BLTP2: variants seen among roughly 807,000 people sequenced by gnomAD.
BLTP2 encodes bridge-like lipid transfer protein family member 2.
At chr17:28,643,140 G>C in the BLTP2 span, 1 of 1,614,084 alleles carries the variant, frequency 6.2e-7, no homozygotes, top group South Asian at 1.1e-5. Flanking sequence ...GTACAGTCCA[G>C]GATAGCAGGA....
At chr17:28,642,031 T>C in the BLTP2 span, 1 of 1,614,148 alleles carries the variant, frequency 6.2e-7, no homozygotes, top group Non-Finnish European at 8.5e-7. Context: ...TGCCCACCTT[T>C]AGACACAGGT....
chr17:28,622,819 G>A, the BLTP2 span, among the ~76,000 whole-genome samples: 5 of 152,226 alleles, frequency 3.3e-5, no homozygotes, highest in African/African-American at 1.2e-4. Context: ...GCTCACGCCT[G>A]TAATCCCAGC....
chr17:28,631,074 T>A, the BLTP2 span, among the ~76,000 whole-genome samples: 1 of 152,236 alleles, frequency 6.6e-6, no homozygotes, highest in African/African-American at 2.4e-5. Context: ...CTTTACTGTG[T>A]TCCCCCCAAA....
At chr17:28,644,913 C>T in the BLTP2 span, 11 of 1,337,244 alleles carry the variant, frequency 8.2e-6, no homozygotes, top group Admixed American at 6.1e-5. Flanking sequence ...GCGCCCCCTC[C>T]TCAGTCTTTC....
the BLTP2 span, chr17:28,615,199 G>T: frequency 1.2e-6 from 2 of 1,613,830 alleles, no homozygotes; most frequent in South Asian, 2.2e-5. Context: ...GCTTTCCCCG[G>T]ACCTCAGAGC....
chr17:28,621,599 T>C, the BLTP2 span: 1 of 793,718 alleles, frequency 1.3e-6, no homozygotes, highest in Non-Finnish European at 2.2e-6. Context: ...TTACACTTAC[T>C]ATCTGGACCT....
chr17:28,642,293 A>C, the BLTP2 span: 2 of 1,614,080 alleles, frequency 1.2e-6, no homozygotes, highest in Admixed American at 1.7e-5. Context: ...CACTCTTTAG[A>C]ACTTTGCTGT....
At chr17:28,629,330 A>G in the BLTP2 span, among the ~76,000 whole-genome samples, 1 of 151,526 alleles carries the variant, frequency 6.6e-6, no homozygotes, top group Non-Finnish European at 1.5e-5. Context: ...TCACTCCATC[A>G]CCCACGCTGG....
chr17:28,639,656 G>T, the BLTP2 span: 1 of 1,613,096 alleles, frequency 6.2e-7, no homozygotes, highest in Non-Finnish European at 8.5e-7. Context: ...TAAGAGGCCA[G>T]AGGACAGATC....
the BLTP2 span, chr17:28,645,135 C>T: frequency 1.6e-6 from 2 of 1,227,832 alleles, no homozygotes; most frequent in African/African-American, 3.2e-5. Context: ...AGCACCGCCG[C>T]GGGCCGACCA....
At chr17:28,639,926 C>G in the BLTP2 span, 3 of 1,614,130 alleles carry the variant, frequency 1.9e-6, no homozygotes, top group Non-Finnish European at 2.5e-6. Context: ...CAGTGCTCAT[C>G]TGTGCCATAT....
the BLTP2 span, among the ~76,000 whole-genome samples, chr17:28,625,334 C>CAAAAAAAAAAAAAA: frequency 6.5e-4 from 19 of 29,030 alleles, no homozygotes; most frequent in Middle Eastern, 0.029. Context: ...GACTCCGTCT[C>CAAAAAAAAAAAAAA]AAAAAAAAAA....
the BLTP2 span, among the ~76,000 whole-genome samples, chr17:28,636,149 G>A: frequency 2.6e-5 from 4 of 152,182 alleles, no homozygotes; most frequent in East Asian, 3.8e-4. Context: ...TAGTGTCTTT[G>A]TCAGCTTCTG....
chr17:28,628,287 T>C, the BLTP2 span: 128 of 1,613,984 alleles, frequency 7.9e-5, no homozygotes, highest in Non-Finnish European at 1.0e-4. Context: ...CCTTATCAGG[T>C]TGTCCACTGA....
chr17:28,640,731 C>G, the BLTP2 span: 1 of 1,594,600 alleles, frequency 6.3e-7, no homozygotes, highest in Non-Finnish European at 8.6e-7. Flanking sequence ...CTTAACACTC[C>G]CAGTTCTCCC....
the BLTP2 span, chr17:28,642,109 G>A: frequency 2.5e-6 from 4 of 1,605,560 alleles, no homozygotes; most frequent in Admixed American, 1.7e-5. Context: ...TAAGGTGTAT[G>A]TAAGAAAGTT....
chr17:28,639,995 C>A, the BLTP2 span: 1 of 1,614,010 alleles, frequency 6.2e-7, no homozygotes, highest in Admixed American at 1.7e-5. Context: ...GGTACAGGAA[C>A]TGCAGCAGCT....
At chr17:28,643,032 C>A in the BLTP2 span, 1 of 1,499,484 alleles carries the variant, frequency 6.7e-7, no homozygotes, top group Non-Finnish European at 9.3e-7. Flanking sequence ...TGTTAAGGAA[C>A]TGCCCTTCCT....
At chr17:28,639,873 C>G in the BLTP2 span, 1 of 1,613,880 alleles carries the variant, frequency 6.2e-7, no homozygotes, top group African/African-American at 1.3e-5. Flanking sequence ...CCCATTCTCG[C>G]TCAGTACCAG....
Sources: gnomAD v4.1 joint callset for allele counts (sites outside exome capture counted in the v4.1 genomes callset) on GRCh38, gnomAD v4.1.1 for gene constraint, MANE v1.5 for transcripts, NCBI Gene and HGNC (gene_info 2026-07-23, HGNC 2026-07-21) for gene names.